Variants in TMEM179 observed in about 807,000 individuals in gnomAD.
The protein encoded by TMEM179 is transmembrane protein 179A.
In TMEM179, 17 loss-of-function variants were observed where a neutral mutation model predicts 22.2. That is an observed-to-expected ratio of 0.77 (90% confidence interval 0.52 to 1.15). TMEM179 has a LOEUF of 1.15. Ranked by LOEUF, TMEM179 falls within the 50% of genes most tolerant of loss-of-function variation. The pLI, the probability that TMEM179 is intolerant of heterozygous loss-of-function variation, is 0.00. For missense variants in TMEM179, 265 were observed against 313.6 expected, an observed-to-expected ratio of 0.84 and a Z score of 1.17; for synonymous variants, 127 against 140.5, an observed-to-expected ratio of 0.90 and a Z score of 0.68.
At chr14:104,600,620 A>T (rs1196695556) in intron 1 of TMEM179, among the ~76,000 whole-genome samples, 1 of 151,342 alleles carries the variant, frequency 6.6e-6, no homozygotes, top group African/African-American at 2.5e-5. Context: ...TTACTCATTC[A>T]TTCATTCATT....
rs1886976131 is a variant in TMEM179, at chr14:104,595,165, C to A, written c.522G>T (p.Gln174His). Residue 174 changes from glutamine to histidine, a missense_variant and splice_region_variant, in exon 3 of 4, where the codon CAG becomes CAT. By Grantham distance (24) the Gln-to-His change is conservative. Transcript: ENST00000556573. This position sits in a 1 kb window ranked among gnomAD's most constrained non-coding sequence, Gnocchi z 5.7. ...TCCCTTCTTGCCCAGAGCCCCCTAC[C>A]TGGGCAATTGCAAACTGATCGTAGA... The part of the protein sequence containing the change: ...SAFYDQFAIA[Q>H]FGLWASWLAW... 6.2e-7 allele frequency: 1 copy of A among 1,613,838 alleles called. No individual in the cohort carries two copies. Among genetic ancestry groups the A allele is most frequent in the Non-Finnish European group, 8.5e-7 (1 of 1,180,000 alleles).
In TMEM179 at chr14:104,597,924, C is replaced by G. The variant is rs375270181; in HGVS notation, c.306-797G>C. On this transcript the variant is annotated intron_variant, in intron 1 of 3. Transcript: ENST00000556573. This position sits in a 1 kb window ranked among gnomAD's most constrained non-coding sequence, Gnocchi z 4.8. ...TGGGCCCATCTGACCAGGGCCAGAG[C>G]ATGGGGAGCGCAGGAGGCAGGGCCA... 1.3e-5 allele frequency among the ~76,000 whole-genome samples: 2 copies of G among 152,192 alleles called. No homozygotes were observed. The highest frequency in any genetic ancestry group is 3.9e-4 in the East Asian group (2 of 5,192).
At chr14:104,599,789 G>A (rs1025310340) in intron 1 of TMEM179, among the ~76,000 whole-genome samples, 1 of 152,094 alleles carries the variant, frequency 6.6e-6, no homozygotes, top group Non-Finnish European at 1.5e-5. Context: ...TGGAGAAGGA[G>A]ACGCACTCTG....
chr14:104,603,523 T>C (rs1887307185), intron 1 of TMEM179, among the ~76,000 whole-genome samples: 1 of 87,510 alleles, frequency 1.1e-5, no homozygotes, highest in Non-Finnish European at 2.3e-5. Context: ...GTGGGTGGGT[T>C]CACAGAGGGA....
In TMEM179 at chr14:104,595,198, G is replaced by A; in HGVS notation, c.489C>T (p.Asn163=). The A allele has an allele frequency of 3.7e-6, 6 of 1,613,718 alleles. No homozygotes were observed. Among genetic ancestry groups the A allele is most frequent in the Non-Finnish European group, 5.1e-6 (6 of 1,179,968 alleles). ...TTGCAAACTGATCGTAGAAGGCGGAGTTGTCCACGCCCAGCTCCAAGTCGA... is the reference window on the plus strand; with the variant it reads ...TTGCAAACTGATCGTAGAAGGCGGAATTGTCCACGCCCAGCTCCAAGTCGA... The part of the protein sequence containing the change: ...QDIDLELGVD[N]SAFYDQFAIA... The change falls in exon 3 of 4, where the codon AAC becomes AAT. Residue 163 remains asparagine, a synonymous_variant. Transcript: ENST00000556573. The surrounding 1 kb of genome is among the most constrained non-coding windows in gnomAD (Gnocchi z 5.7).
At chr14:104,598,869 A>T (rs898323469) in intron 1 of TMEM179, among the ~76,000 whole-genome samples, 1 of 152,202 alleles carries the variant, frequency 6.6e-6, no homozygotes, top group Non-Finnish European at 1.5e-5. Context: ...TCTTAAAGCC[A>T]TGGGCTGTGA....
Position 104,595,350 on chromosome 14 carries a change from G to A in TMEM179, c.444-107C>T. On this transcript the variant is annotated intron_variant, in intron 2 of 3. Coordinates refer to ENST00000556573, the MANE Select transcript of TMEM179 (RefSeq NM_001286389.2). The surrounding 1 kb of genome is among the most constrained non-coding windows in gnomAD (Gnocchi z 5.7). ...AGGAGCTTTGCCCTACAATTGTTGG[G>A]CGAGGGGGTGGGCAGCAGGGAGTCT... 8.9e-7 allele frequency: 1 copy of A among 1,123,376 alleles called. No individual in the cohort carries two copies. The highest frequency in any genetic ancestry group is 1.3e-6 in the Non-Finnish European group (1 of 783,100). 69.6% of individuals were successfully genotyped at this position (1,123,376 alleles called of 1,614,324 possible).
chr14:104,593,503 T>C lies in TMEM179; in HGVS notation c.678A>G (p.Gln226=), dbSNP rs1305051579. 2 of 1,535,862 alleles carry C rather than the reference T, an allele frequency of 1.3e-6. No individual in the cohort carries two copies. Among genetic ancestry groups the C allele is most frequent in the Admixed American group, 3.9e-5 (2 of 50,978 alleles). Reference sequence around the variant, plus strand: ...CCTAAATGACAGCGCTCTTCTCCTCTTGGAAGGAGGTGCGTGGGGACGGCC... The same window carrying C: ...CCTAAATGACAGCGCTCTTCTCCTCCTGGAAGGAGGTGCGTGGGGACGGCC... The part of the protein sequence containing the change: ...LARPSPRTSF[Q]EEKSAVI The change falls in exon 4 of 4, where the codon CAA becomes CAG. Residue 226 remains glutamine (Q), a synonymous_variant. Coordinates refer to ENST00000556573, the MANE Select transcript of TMEM179 (RefSeq NM_001286389.2).
intron 1 of TMEM179, among the ~76,000 whole-genome samples, chr14:104,599,633 C>T (rs4075661): frequency 0.12 from 17,883 of 152,174 alleles, 1,198 homozygotes; most frequent in Middle Eastern, 0.18. Flanking sequence ...GCAGTAAGCC[C>T]GCCCCACCTC....
rs768326909 is a variant in TMEM179 at position 104,595,156 on chromosome 14, G to GC, written c.522+8dup. ...TTGCAAGCCTCCCTTCTTGCCCAGA[G>GC]CCCCCTACCTGGGCAATTGCAAACT... On this transcript the variant is annotated intron_variant, in intron 3 of 3. Transcript: ENST00000556573. The surrounding 1 kb of genome is among the most constrained non-coding windows in gnomAD (Gnocchi z 5.7). The GC allele has an allele frequency of 1.1e-5, 18 of 1,613,624 alleles. No individual in the cohort carries two copies. In the South Asian group the frequency reaches 1.6e-4, roughly 15 times the overall value.
At chr14:104,602,180 C>T (rs1172830838) in intron 1 of TMEM179, among the ~76,000 whole-genome samples, 4 of 152,220 alleles carry the variant, frequency 2.6e-5, no homozygotes, top group South Asian at 4.1e-4. Flanking sequence ...CTGGGCCTGC[C>T]GCCCAGTGTG....
rs999769809 is a variant in TMEM179, at chr14:104,595,468, G to A, written c.444-225C>T. On this transcript the variant is annotated intron_variant, in intron 2 of 3. Transcript: ENST00000556573. This position sits in a 1 kb window ranked among gnomAD's most constrained non-coding sequence, Gnocchi z 5.7. ...AACCTCCAGGCCCCTCCCTGTCCTG[G>A]CCCTGGACAGCCAGAAGACGCCAGC... Among the ~76,000 whole-genome samples, 1 of 151,716 alleles carries A rather than the reference G, an allele frequency of 6.6e-6. No homozygotes were observed. The highest frequency in any genetic ancestry group is 1.5e-5 in the Non-Finnish European group (1 of 67,870).
At chr14:104,593,712 CA>C in intron 3 of TMEM179, 54 bp from the exon 4 acceptor site, 2 of 1,424,234 alleles carry the variant, frequency 1.4e-6, no homozygotes, top group Non-Finnish European at 9.2e-7. Flanking sequence ...GCTGTCAGTG[CA>C]ACCCCCTCCC....
In TMEM179 at chr14:104,595,289, A is replaced by C; in HGVS notation, c.444-46T>G. 6.3e-7 allele frequency: 1 copy of C among 1,580,508 alleles called. No individual in the cohort carries two copies. The highest frequency in any genetic ancestry group is 8.6e-7 in the Non-Finnish European group (1 of 1,157,142). On this transcript the variant is annotated intron_variant, in intron 2 of 3. Transcript: ENST00000556573. The surrounding 1 kb of genome is among the most constrained non-coding windows in gnomAD (Gnocchi z 5.7). ...GTGGAGGGTGACCACCAGGACAGCC[A>C]GTGCGGGACATGGCTGAGCCGCTGG...
Position 104,595,290 on chromosome 14 carries a change from G to A in TMEM179, c.444-47C>T, listed in dbSNP as rs761020532. 5 of 1,575,186 alleles carry A rather than the reference G, an allele frequency of 3.2e-6. No individual in the cohort carries two copies. The highest frequency in any genetic ancestry group is 1.7e-4 in the Middle Eastern group (1 of 5,942). On this transcript the variant is annotated intron_variant, in intron 2 of 3. Coordinates refer to ENST00000556573, the MANE Select transcript of TMEM179 (RefSeq NM_001286389.2). The surrounding 1 kb of genome is among the most constrained non-coding windows in gnomAD (Gnocchi z 5.7). The stretch of plus-strand genomic sequence containing the variant: ...TGGAGGGTGACCACCAGGACAGCCA[G>A]TGCGGGACATGGCTGAGCCGCTGGC...
Position 104,591,003 on chromosome 14 carries a change from C to T in TMEM179, c.*2476G>A, listed in dbSNP as rs11547184. 0.14 allele frequency: 28,273 copies of T among 200,862 alleles called. 2,673 individuals carry two copies. Among genetic ancestry groups the T allele is most frequent in the African/African-American group, 0.29 (12,162 of 41,834 alleles). The allele number at this position is 200,862 out of a possible 1,614,324, so 12.4% of individuals were successfully genotyped here. On this transcript the variant is annotated 3_prime_UTR_variant, in exon 4 of 4. Coordinates refer to ENST00000556573, the MANE Select transcript of TMEM179 (RefSeq NM_001286389.2). ...CCTCAGGAACCCCGGGTCATGCCTG[C>T]ACTTCCCACCTTCCTGCCTGGGGAG...
intron 1 of TMEM179, among the ~76,000 whole-genome samples, chr14:104,599,239 TTC>T (rs1350279126): frequency 1.3e-5 from 2 of 151,388 alleles, no homozygotes; most frequent in African/African-American, 4.8e-5. Flanking sequence ...TCCTTCTCCA[TTC>T]TCTGTCTGGA....
At chr14:104,603,783 C>T (rs959195459) in intron 1 of TMEM179, among the ~76,000 whole-genome samples, 1 of 152,178 alleles carries the variant, frequency 6.6e-6, no homozygotes, top group African/African-American at 2.4e-5. Context: ...TGTCACCGCA[C>T]CCCAGGTGAA....
rs777606994 is a variant in TMEM179 at position 104,604,504 on chromosome 14, G to C, written c.238C>G (p.Leu80Val). The change falls in exon 1 of 4, where the codon CTG becomes GTG. Residue 80 changes from leucine to valine, a missense_variant. Transcript: ENST00000556573. This position sits in a 1 kb window ranked among gnomAD's most constrained non-coding sequence, Gnocchi z 4.6. ...ACRFSLLASLLSLLLAAAHAW... is the reference protein window; with the variant it reads ...ACRFSLLASLVSLLLAAAHAW... ...TGCGCGGCGGCCAGCAGCAGAGACAGGAGGCTGGCGAGCAGGCTGAAGCGG... is the reference window on the plus strand; with the variant it reads ...TGCGCGGCGGCCAGCAGCAGAGACACGAGGCTGGCGAGCAGGCTGAAGCGG... 5 of 1,572,620 alleles carry C rather than the reference G, an allele frequency of 3.2e-6. No homozygotes were observed. Among genetic ancestry groups the C allele is most frequent in the Non-Finnish European group, 4.3e-6 (5 of 1,161,714 alleles).
Sources: allele counts gnomAD v4.1 joint callset (sites outside exome capture counted in the v4.1 genomes callset), GRCh38; gene constraint gnomAD v4.1.1; non-coding constraint Gnocchi (gnomAD v3.1); transcripts MANE v1.5; gene names NCBI Gene and HGNC (gene_info 2026-07-23, HGNC 2026-07-21).